Variants in ABCA13 observed in about 807,000 individuals in gnomAD.
ABCA13 encodes ATP-binding cassette sub-family A member 13.
A neutral mutation model predicts 478.7 loss-of-function variants in ABCA13; 476 were observed. That is an observed-to-expected ratio of 0.99 (90% confidence interval 0.92 to 1.07). The LOEUF is 1.07. ABCA13 is among the 50% of genes least tolerant of loss of function. ABCA13 has a pLI of 0.00. For missense variants in ABCA13, 6,060 were observed against 5,910.6 expected, an observed-to-expected ratio of 1.03 and a Z score of -0.83; for synonymous variants, 2,252 against 2,158.9, an observed-to-expected ratio of 1.04 and a Z score of -1.20.
At chr7:48,391,795 A>AC in intron 37 of ABCA13, 126 bp from the exon 38 acceptor site, 1 of 864,422 alleles carries the variant, frequency 1.2e-6, no homozygotes, top group Non-Finnish European at 1.8e-6. Context: ...GATTGTGTAA[A>AC]AACCAGGTCA....
intron 40 of ABCA13, among the ~76,000 whole-genome samples, chr7:48,411,043 CTTTCTT>C (rs755343886): frequency 3.6e-4 from 32 of 89,428 alleles, no homozygotes; most frequent in African/African-American, 7.6e-4. Flanking sequence ...TTCTTTCTTT[CTTTCTT>C]TTTCTTTCTT....
chr7:48,469,224 A>G (rs1827209166), intron 44 of ABCA13, among the ~76,000 whole-genome samples: 1 of 152,226 alleles, frequency 6.6e-6, no homozygotes, highest in South Asian at 2.1e-4. Flanking sequence ...CAGTGATACA[A>G]TAAATCATCT....
intron 55 of ABCA13, among the ~76,000 whole-genome samples, chr7:48,564,019 C>G (rs1217349712): frequency 1.3e-5 from 2 of 152,066 alleles, no homozygotes; most frequent in Non-Finnish European, 1.5e-5. Context: ...CCTAACTCCA[C>G]ATGTCATCTC....
At chr7:48,588,004 TA>T (rs920500997) in intron 57 of ABCA13, among the ~76,000 whole-genome samples, 4 of 152,214 alleles carry the variant, frequency 2.6e-5, no homozygotes, top group African/African-American at 9.6e-5. Flanking sequence ...TTCACACCAG[TA>T]GAGAGTCTGA....
chr7:48,573,781 A>T (rs1787902561), intron 55 of ABCA13, among the ~76,000 whole-genome samples: 1 of 152,042 alleles, frequency 6.6e-6, no homozygotes, highest in South Asian at 2.1e-4. Flanking sequence ...TTAGTGGCTT[A>T]AACCAGGAAA....
chr7:48,589,379 G>A (rs903871093), intron 57 of ABCA13, among the ~76,000 whole-genome samples: 2 of 152,144 alleles, frequency 1.3e-5, no homozygotes, highest in African/African-American at 4.8e-5. Flanking sequence ...GAACCAACCT[G>A]ACATGAAAAT....
At chr7:48,498,886 CA>C (rs1029116988) in intron 48 of ABCA13, among the ~76,000 whole-genome samples, 16 of 152,194 alleles carry the variant, frequency 1.1e-4, no homozygotes, top group Non-Finnish European at 2.2e-4. Flanking sequence ...ATAGATTATG[CA>C]AATGTTTGCA....
chr7:48,404,766 C>T (rs575200741), intron 39 of ABCA13: 18 of 152,238 alleles, frequency 1.2e-4, no homozygotes, highest in South Asian at 2.1e-4. Context: ...AAAAGGTACT[C>T]CAGTCTGTCA....
chr7:48,187,825 C>T (rs1324013043), intron 1 of ABCA13, among the ~76,000 whole-genome samples: 1 of 151,986 alleles, frequency 6.6e-6, no homozygotes, highest in Non-Finnish European at 1.5e-5. Context: ...CTTAATGGGG[C>T]ACTTGTAAAG....
chr7:48,454,905 C>A, intron 42 of ABCA13, 132 bp from the exon 43 acceptor site: 2 of 1,285,546 alleles, frequency 1.6e-6, no homozygotes, highest in Non-Finnish European at 2.1e-6. Context: ...CAAGGGAGTC[C>A]TCATGGGGTG....
intron 3 of ABCA13, among the ~76,000 whole-genome samples, chr7:48,215,826 C>A (rs577976710): frequency 6.6e-6 from 1 of 152,284 alleles, no homozygotes; most frequent in East Asian, 1.9e-4. Flanking sequence ...TTTTACTATT[C>A]TGGACATTTC....
At chr7:48,400,160 C>T (rs922712475) in intron 38 of ABCA13, among the ~76,000 whole-genome samples, 4 of 152,108 alleles carry the variant, frequency 2.6e-5, no homozygotes, top group African/African-American at 9.7e-5. Context: ...ATCCCTATAG[C>T]TCCTGGGACT....
intron 1 of ABCA13, among the ~76,000 whole-genome samples, chr7:48,173,240 T>G (rs1282536657): frequency 2.6e-5 from 4 of 152,238 alleles, no homozygotes; most frequent in Non-Finnish European, 5.9e-5. Context: ...TCTTTAGTAT[T>G]TATCATCTTG....
At chr7:48,238,310 G>A (rs540396071) in intron 8 of ABCA13, among the ~76,000 whole-genome samples, 17 of 152,186 alleles carry the variant, frequency 1.1e-4, no homozygotes, top group South Asian at 6.2e-4. Context: ...GAATTTTGGC[G>A]GGGAGGCCAC....
chr7:48,422,994 A>G (rs950844335), intron 41 of ABCA13, among the ~76,000 whole-genome samples: 1 of 152,230 alleles, frequency 6.6e-6, no homozygotes, highest in African/African-American at 2.4e-5. Flanking sequence ...AGGAAGGCCC[A>G]TATTAGGCTT....
intron 19 of ABCA13, among the ~76,000 whole-genome samples, chr7:48,284,621 A>G (rs1797479054): frequency 6.6e-6 from 1 of 152,250 alleles, no homozygotes. Context: ...TGAATTAAAC[A>G]TTCATTAATG....
chr7:48,234,008 A>G lies in ABCA13; in HGVS notation c.764-10A>G, dbSNP rs2128999232. On this transcript the variant is annotated splice_polypyrimidine_tract_variant and intron_variant, in intron 7 of 61. Transcript: ENST00000435803. ...CAACTGCTGGTGTAAATCTTTTGTT[A>G]TTCCAACAGAGCCAGTTTACCACCT... 1.2e-6 allele frequency: 2 copies of G among 1,613,430 alleles called. No individual in the cohort carries two copies. Among genetic ancestry groups the G allele is most frequent in the Non-Finnish European group, 1.7e-6 (2 of 1,179,456 alleles).
At chr7:48,471,729 G>C (rs1361173974) in intron 45 of ABCA13, 130 bp downstream of exon 45, 10 of 839,234 alleles carry the variant, frequency 1.2e-5, no homozygotes, top group Non-Finnish European at 1.9e-5. Context: ...TGGATTAGCT[G>C]TTTCTGGGAA....
intron 15 of ABCA13, among the ~76,000 whole-genome samples, chr7:48,256,949 G>A (rs1156738165): frequency 6.6e-6 from 1 of 152,116 alleles, no homozygotes; most frequent in Non-Finnish European, 1.5e-5. Flanking sequence ...AACATGGGAT[G>A]TTTTTCCATT....
Sources: gnomAD v4.1 joint callset for allele counts (sites outside exome capture counted in the v4.1 genomes callset) on GRCh38, gnomAD v4.1.1 for gene constraint, MANE v1.5 for transcripts, NCBI Gene and HGNC (gene_info 2026-07-23, HGNC 2026-07-21) for gene names.